Variants in NUBPL observed in about 807,000 individuals in gnomAD.
NUBPL encodes the protein NUBP iron-sulfur cluster assembly factor, mitochondrial.
Under a neutral mutation model 45.7 loss-of-function variants are expected in NUBPL, and 31 were observed. The observed-to-expected ratio is 0.68, with a 90% CI of 0.51 to 0.92. The LOEUF is 0.92. Among genes scored for constraint, NUBPL ranks in the 40% least tolerant of loss-of-function variants. The pLI is 0.00. For synonymous variants in NUBPL, 144 were observed against 140.9 expected (o/e 1.02, Z -0.15); for missense variants, 401 against 398.7 (o/e 1.01, Z -0.05).
At chr14:31,785,408 C>T (rs550795652) in intron 6 of NUBPL, among the ~76,000 whole-genome samples, 1 of 152,256 alleles carries the variant, frequency 6.6e-6, no homozygotes, top group African/African-American at 2.4e-5. Flanking sequence ...GTCAGATCAG[C>T]AGTGGCATTA....
intron 4 of NUBPL, among the ~76,000 whole-genome samples, chr14:31,622,723 A>G (rs1414844276): frequency 1.3e-5 from 2 of 152,260 alleles, no homozygotes; most frequent in South Asian, 2.1e-4. Context: ...ACAAGAGTTC[A>G]GCTCTGGGAA....
intron 4 of NUBPL, among the ~76,000 whole-genome samples, chr14:31,660,972 G>T (rs1463030926): frequency 6.6e-6 from 1 of 152,178 alleles, no homozygotes; most frequent in African/African-American, 2.4e-5. Flanking sequence ...AGCTGTTCTT[G>T]TGCCTATTTC....
chr14:31,819,317 G>T (rs1372919603), intron 7 of NUBPL, among the ~76,000 whole-genome samples: 2 of 152,152 alleles, frequency 1.3e-5, no homozygotes, highest in African/African-American at 4.8e-5. Context: ...AATATTAAGA[G>T]CAGTGTGAAC....
intron 4 of NUBPL, among the ~76,000 whole-genome samples, chr14:31,644,313 T>C (rs975096439): frequency 2.6e-5 from 4 of 152,134 alleles, no homozygotes; most frequent in Non-Finnish European, 2.9e-5. Flanking sequence ...ATCTTCATAC[T>C]GTTTTTCCTG....
At chr14:31,649,446 A>G (rs567971425) in intron 4 of NUBPL, among the ~76,000 whole-genome samples, 11 of 152,246 alleles carry the variant, frequency 7.2e-5, no homozygotes, top group Non-Finnish European at 1.5e-4. Flanking sequence ...ATGATTGAAC[A>G]TGAAGATAAA....
intron 6 of NUBPL, among the ~76,000 whole-genome samples, chr14:31,732,609 C>CTTTTTTTTTTTT (rs71986817): frequency 1.5e-4 from 12 of 81,036 alleles, no homozygotes; most frequent in Non-Finnish European, 2.5e-4. Flanking sequence ...AATTTGTTCT[C>CTTTTTTTTTTTT]TTTTTTTTTT....
intron 4 of NUBPL, among the ~76,000 whole-genome samples, chr14:31,637,896 G>A (rs1005744276): frequency 2.0e-5 from 3 of 152,132 alleles, no homozygotes; most frequent in African/African-American, 7.2e-5. Flanking sequence ...TTTTATCAGA[G>A]ACTAGGATTG....
At chr14:31,758,932 C>T (rs1228527825) in intron 6 of NUBPL, among the ~76,000 whole-genome samples, 3 of 152,054 alleles carry the variant, frequency 2.0e-5, no homozygotes, top group African/African-American at 7.2e-5. Flanking sequence ...GCTTTTCCTC[C>T]ATGGCACAAT....
intron 6 of NUBPL, among the ~76,000 whole-genome samples, chr14:31,677,913 T>G (rs938977228): frequency 1.3e-5 from 2 of 152,176 alleles, no homozygotes; most frequent in Non-Finnish European, 2.9e-5. Flanking sequence ...AGACCCCAGG[T>G]GGGTCCAGAG....
intron 6 of NUBPL, among the ~76,000 whole-genome samples, chr14:31,698,459 A>G (rs1382921136): frequency 6.6e-6 from 1 of 150,746 alleles, no homozygotes; most frequent in Non-Finnish European, 1.5e-5. Flanking sequence ...CACTGACTTT[A>G]TTTTCCCCCC....
In NUBPL at chr14:31,859,646, G is replaced by C. The variant is rs1302723974; in HGVS notation, c.*466G>C. 1 of 215,414 alleles carries C rather than the reference G, an allele frequency of 4.6e-6. No individual in the cohort carries two copies. The highest frequency in any genetic ancestry group is 9.4e-6 in the Non-Finnish European group (1 of 106,570). The allele number at this position is 215,414 out of a possible 1,614,324, so 13.3% of individuals were successfully genotyped here. A position where few individuals can be genotyped will look rare whatever the true frequency, so the allele number is the denominator to read the frequency against. On this transcript the variant is annotated 3_prime_UTR_variant, in exon 11 of 11. Transcript: ENST00000281081. ...GGACATGTTCTTAATATGAACCTCT[G>C]CTTCTTCATCTGGATCACACTATAC... is the stretch of plus-strand genomic sequence containing the variant.
intron 6 of NUBPL, among the ~76,000 whole-genome samples, chr14:31,722,811 A>C (rs1290900981): frequency 6.6e-6 from 1 of 152,092 alleles, no homozygotes; most frequent in African/African-American, 2.4e-5. Flanking sequence ...AATTTGTTTA[A>C]GTTCCTTATA....
intron 6 of NUBPL, among the ~76,000 whole-genome samples, chr14:31,742,338 A>G (rs1291556086): frequency 1.3e-5 from 2 of 151,538 alleles, no homozygotes; most frequent in Non-Finnish European, 2.9e-5. Context: ...TGTCTTTTAT[A>G]TTATCTGTTA....
At chr14:31,755,891 G>T (rs1257698264) in intron 6 of NUBPL, among the ~76,000 whole-genome samples, 1 of 150,804 alleles carries the variant, frequency 6.6e-6, no homozygotes, top group African/African-American at 2.5e-5. Flanking sequence ...TGTAAGGAAG[G>T]GATCCAGTTT....
chr14:31,750,177 TA>T (rs2038489890), intron 6 of NUBPL, among the ~76,000 whole-genome samples: 2 of 46,030 alleles, frequency 4.3e-5, no homozygotes, highest in Non-Finnish European at 1.1e-4. Context: ...TCATTATTAT[TA>T]TTTTTTTTTT....
At chr14:31,680,935 C>T (rs1215002097) in intron 6 of NUBPL, among the ~76,000 whole-genome samples, 2 of 152,174 alleles carry the variant, frequency 1.3e-5, no homozygotes, top group East Asian at 1.9e-4. Context: ...ACTTTTACTG[C>T]ATTGCTGGAT....
chr14:31,792,751 A>C (rs1044113962), intron 7 of NUBPL, among the ~76,000 whole-genome samples: 2 of 152,176 alleles, frequency 1.3e-5, no homozygotes, highest in Non-Finnish European at 2.9e-5. Context: ...AGGATGTTGA[A>C]GGGAATTTGG....
intron 6 of NUBPL, among the ~76,000 whole-genome samples, chr14:31,745,470 T>A (rs2038378305): frequency 6.6e-6 from 1 of 152,060 alleles, no homozygotes; most frequent in Non-Finnish European, 1.5e-5. Context: ...ATTTTTGTAT[T>A]TTTTTAGTAG....
At chr14:31,758,845 C>G (rs953656172) in intron 6 of NUBPL, among the ~76,000 whole-genome samples, 1 of 152,102 alleles carries the variant, frequency 6.6e-6, no homozygotes, top group African/African-American at 2.4e-5. Context: ...ATTTTGCATT[C>G]TACTGTTTAG....
Sources: gnomAD v4.1 joint callset for allele counts (sites outside exome capture counted in the v4.1 genomes callset) on GRCh38, gnomAD v4.1.1 for gene constraint, MANE v1.5 for transcripts, NCBI Gene and HGNC (gene_info 2026-07-23, HGNC 2026-07-21) for gene names.